NRG1: variants seen among roughly 807,000 people sequenced by gnomAD.
The protein encoded by NRG1 is neuregulin 1.
Under a neutral mutation model 63.8 loss-of-function variants are expected in NRG1, and 18 were observed. That is an observed-to-expected ratio of 0.28 (90% CI 0.19 to 0.42). The LOEUF is 0.42. NRG1 is among the 10% of genes least tolerant of loss of function. The probability of loss-of-function intolerance (pLI) is 1.00; values close to 1 mark genes in which losing one functional copy is unlikely to be tolerated. For synonymous variants in NRG1, 302 were observed against 301.3 expected (o/e 1.00, Z -0.02); for missense variants, 762 against 814.7 (o/e 0.94, Z 0.79).
chr8:31,709,726 T>C (rs1811547864), intron 1 of NRG1, among the ~76,000 whole-genome samples: 1 of 152,046 alleles, frequency 6.6e-6, no homozygotes, highest in South Asian at 2.1e-4. Context: ...AGATTAAATT[T>C]ATTTTGGCAT....
intron 1 of NRG1, among the ~76,000 whole-genome samples, chr8:31,759,515 G>T (rs1264591954): frequency 6.6e-6 from 1 of 151,820 alleles, no homozygotes; most frequent in Non-Finnish European, 1.5e-5. Context: ...AATTGCACTG[G>T]TGCCTTTTAC....
chr8:32,040,209 C>T (rs1176040338), intron 1 of NRG1, among the ~76,000 whole-genome samples: 2 of 152,218 alleles, frequency 1.3e-5, no homozygotes, highest in East Asian at 3.9e-4. Context: ...AAAAAAGAGC[C>T]TAAAGATTTT....
At chr8:32,380,924 T>A (rs374844153) in intron 1 of NRG1, among the ~76,000 whole-genome samples, 7 of 152,280 alleles carry the variant, frequency 4.6e-5, no homozygotes, top group African/African-American at 1.4e-4. Context: ...AACATTCAAA[T>A]TATTCTTTTC....
intron 1 of NRG1, among the ~76,000 whole-genome samples, chr8:32,194,575 G>T (rs926476987): frequency 1.3e-5 from 2 of 151,994 alleles, no homozygotes; most frequent in Admixed American, 6.6e-5. Context: ...CAGCCCAGTA[G>T]ACACTGGGAG....
intron 1 of NRG1, among the ~76,000 whole-genome samples, chr8:31,956,630 A>C (rs1204065181): frequency 1.3e-5 from 2 of 152,224 alleles, no homozygotes; most frequent in African/African-American, 4.8e-5. Context: ...TCTCAAAAAA[A>C]AAAAGTATTC....
At chr8:32,492,005 A>G (rs1826641767) in intron 1 of NRG1, among the ~76,000 whole-genome samples, 1 of 152,244 alleles carries the variant, frequency 6.6e-6, no homozygotes, top group African/African-American at 2.4e-5. Flanking sequence ...AAATATCAGT[A>G]TAGAATATCA....
intron 1 of NRG1, among the ~76,000 whole-genome samples, chr8:31,970,568 C>T (rs1807114494): frequency 6.6e-6 from 1 of 152,130 alleles, no homozygotes; most frequent in Non-Finnish European, 1.5e-5. Context: ...CATGAGCTTA[C>T]AGCACCCTGT....
chr8:32,480,688 T>A (rs750804642), intron 1 of NRG1, among the ~76,000 whole-genome samples: 2 of 152,210 alleles, frequency 1.3e-5, no homozygotes, highest in Admixed American at 6.5e-5. Flanking sequence ...TAGCATCTGC[T>A]TTTGGTGAGG....
chr8:31,900,602 T>C (rs1831994717), intron 1 of NRG1, among the ~76,000 whole-genome samples: 2 of 152,196 alleles, frequency 1.3e-5, no homozygotes, highest in Non-Finnish European at 2.9e-5. Flanking sequence ...GGACAGGTCA[T>C]ATAACAAGTT....
chr8:32,482,160 A>C (rs1378183883), intron 1 of NRG1, among the ~76,000 whole-genome samples: 2 of 152,178 alleles, frequency 1.3e-5, no homozygotes, highest in Non-Finnish European at 2.9e-5. Context: ...AATTTACCAC[A>C]TTAGTGATAT....
At chr8:31,788,208 C>T (rs139290854) in intron 1 of NRG1, among the ~76,000 whole-genome samples, 5 of 151,804 alleles carry the variant, frequency 3.3e-5, no homozygotes, top group Non-Finnish European at 1.5e-5. Context: ...AGAAAAAAAC[C>T]CATAATCCTA....
intron 1 of NRG1, among the ~76,000 whole-genome samples, chr8:32,035,882 CTT>C (rs1818970973): frequency 6.6e-6 from 1 of 152,184 alleles, no homozygotes; most frequent in African/African-American, 2.4e-5. Context: ...AATCTTGACT[CTT>C]TATCCAGCTT....
intron 1 of NRG1, among the ~76,000 whole-genome samples, chr8:31,984,783 C>T (rs968303076): frequency 1.3e-5 from 2 of 152,080 alleles, no homozygotes; most frequent in African/African-American, 4.8e-5. Context: ...GGCACATTGC[C>T]CCTGTGTACC....
intron 1 of NRG1, among the ~76,000 whole-genome samples, chr8:32,155,940 C>G (rs530118211): frequency 6.6e-6 from 1 of 152,226 alleles, no homozygotes; most frequent in African/African-American, 2.4e-5. Context: ...TCTAAGCTAC[C>G]ATCACCCCTC....
intron 1 of NRG1, among the ~76,000 whole-genome samples, chr8:32,418,124 GA>G (rs1345202911): frequency 6.6e-5 from 10 of 151,970 alleles, no homozygotes; most frequent in African/African-American, 2.4e-4. Flanking sequence ...AAAATACAGC[GA>G]TATTTACTTA....
chr8:31,779,729 C>T (rs1266738968), intron 1 of NRG1, among the ~76,000 whole-genome samples: 1 of 152,164 alleles, frequency 6.6e-6, no homozygotes, highest in Non-Finnish European at 1.5e-5. Flanking sequence ...CCAGGAGACC[C>T]AAGTTCCTGT....
chr8:31,653,899 G>A (rs1193328166), intron 1 of NRG1, among the ~76,000 whole-genome samples: 3 of 151,128 alleles, frequency 2.0e-5, no homozygotes, highest in Admixed American at 1.3e-4. Context: ...TGTAGAGACT[G>A]TGGAGAAATA....
At chr8:32,577,416 C>T (rs573062775) in intron 1 of NRG1, among the ~76,000 whole-genome samples, 2 of 152,336 alleles carry the variant, frequency 1.3e-5, no homozygotes, top group South Asian at 2.1e-4. Flanking sequence ...ACACCACTGA[C>T]AGGTCCCTGT....
chr8:31,640,418 C>T lies in NRG1; in HGVS notation c.37+987C>T, dbSNP rs775984314. ...AACGGGACCGTGCCCTCTTGGCCCACCGCCCCGGTGCCCAGCGCCGGCGAG... is the reference window on the plus strand; with the variant it reads ...AACGGGACCGTGCCCTCTTGGCCCATCGCCCCGGTGCCCAGCGCCGGCGAG... On this transcript the variant is annotated intron_variant, in intron 1 of 10. Transcript: ENST00000519301. This position sits in a 1 kb window ranked among gnomAD's most constrained non-coding sequence, Gnocchi z 6.3. The T allele has an allele frequency of 1.1e-5, 16 of 1,491,822 alleles. No homozygotes were observed. The highest frequency in any genetic ancestry group is 1.3e-5 in the Non-Finnish European group (15 of 1,119,848). 92.4% of individuals were successfully genotyped at this position (1,491,822 alleles called of 1,614,324 possible). A position where few individuals can be genotyped will look rare whatever the true frequency, so the allele number is the denominator to read the frequency against.
Sources: gnomAD v4.1 joint callset for allele counts (sites outside exome capture counted in the v4.1 genomes callset) on GRCh38, gnomAD v4.1.1 for gene constraint, Gnocchi (gnomAD v3.1) non-coding constraint, MANE v1.5 for transcripts, NCBI Gene and HGNC (gene_info 2026-07-23, HGNC 2026-07-21) for gene names.